Variants in CD276 observed in about 807,000 individuals in gnomAD.
The protein encoded by CD276 is CD276 antigen.
Under a neutral mutation model 50.0 loss-of-function variants are expected in CD276, and 34 were observed. The observed-to-expected ratio is 0.68, with a 90% CI of 0.52 to 0.91. The LOEUF (loss-of-function observed/expected upper bound fraction) is 0.91, where lower values mean the gene tolerates loss of function less well. Ranked by LOEUF, CD276 falls within the 40% of genes least tolerant of loss-of-function variation. The pLI, the probability that CD276 is intolerant of heterozygous loss-of-function variation, is 0.00. For missense variants in CD276, 634 were observed against 717.5 expected, an observed-to-expected ratio of 0.88 and a Z score of 1.33; for synonymous variants, 275 against 313.0, an observed-to-expected ratio of 0.88 and a Z score of 1.28.
chr15:73,706,915 C>A (rs1368852433), intron 6 of CD276, among the ~76,000 whole-genome samples: 1 of 152,152 alleles, frequency 6.6e-6, no homozygotes, highest in Non-Finnish European at 1.5e-5. Context: ...GGCTCTGCCC[C>A]CTCCTCTGCT....
At chr15:73,696,291 G>A (rs1002540822) in intron 1 of CD276, among the ~76,000 whole-genome samples, 2 of 152,046 alleles carry the variant, frequency 1.3e-5, no homozygotes, top group African/African-American at 2.4e-5. Context: ...GGGGTGGTAC[G>A]CAGGCAGCAT....
chr15:73,711,924 G>T (rs1321493200), intron 9 of CD276: 1 of 152,238 alleles, frequency 6.6e-6, no homozygotes, highest in Non-Finnish European at 1.5e-5. Context: ...GGAGGCCGAG[G>T]TGGGTGGATC....
At chr15:73,694,522 G>A (rs1359720938) in intron 1 of CD276, among the ~76,000 whole-genome samples, 1 of 152,206 alleles carries the variant, frequency 6.6e-6, no homozygotes, top group East Asian at 1.9e-4. Flanking sequence ...TGCTGGAAGA[G>A]ATGTTTATTT....
chr15:73,713,771 C>T lies in CD276; in HGVS notation c.*815C>T, dbSNP rs776311742. The T allele has an allele frequency of 6.9e-6, 3 of 432,110 alleles. No homozygotes were observed. The highest frequency in any genetic ancestry group is 1.7e-5 in the South Asian group (1 of 60,558). The allele number at this position is 432,110 out of a possible 1,614,324, so 26.8% of individuals were successfully genotyped here. On this transcript the variant is annotated 3_prime_UTR_variant, in exon 10 of 10. Coordinates refer to ENST00000318443, the MANE Select transcript of CD276 (RefSeq NM_001024736.2). ...GGTTCTCCAGGGGTCTGTGATGGGG[C>T]CCCTGGGGGTCAGCTTCTGTCCCTC...
In CD276 at chr15:73,702,811, A is replaced by G. The variant is rs758846310; in HGVS notation, c.458A>G (p.Lys153Arg). The change falls in exon 4 of 10, where the codon AAG becomes AGG. Residue 153 changes from lysine to arginine, a missense_variant. By Grantham distance (26) the Lys-to-Arg change is conservative. Transcript: ENST00000318443. ...CCCAGCATGACCCTGGAGCCCAACA[A>G]GGACCTGCGGCCAGGGGACACGGTG... ...SKPSMTLEPN[K>R]DLRPGDTVTI... is the part of the protein sequence containing the mutation. 27 of 1,613,814 alleles carry G rather than the reference A, an allele frequency of 1.7e-5. No individual in the cohort carries two copies. Among genetic ancestry groups the G allele is most frequent in the Non-Finnish European group, 2.2e-5 (26 of 1,179,980 alleles).
intron 4 of CD276, 36 bp downstream of exon 4, chr15:73,703,122 G>T (rs750387999): frequency 1.1e-4 from 162 of 1,536,412 alleles, no homozygotes; most frequent in Middle Eastern, 1.7e-4. Context: ...GGGGAGGGGG[G>T]TTCTGCTTCT....
rs58196751 is a variant in CD276 at position 73,689,188 on chromosome 15, C to CTGTGTGTGTGTGTGTGTG, written c.-55+4752_-55+4769dup. Among the ~76,000 whole-genome samples the CTGTGTGTGTGTGTGTGTG allele has an allele frequency of 4.0e-3, 565 of 142,700 alleles. 1 individual carries two copies. The highest frequency in any genetic ancestry group is 5.3e-3 in the East Asian group (25 of 4,724). 93.6% of individuals were successfully genotyped at this position (142,700 alleles called of 152,430 possible). On this transcript the variant is annotated intron_variant, in intron 1 of 9. Coordinates refer to ENST00000318443, the MANE Select transcript of CD276 (RefSeq NM_001024736.2). ...CACTTTTTTCAGGGCTCTGTGCCTC[C>CTGTGTGTGTGTGTGTGTG]TGTGTGTGTGTGTGTGTGTGTGTGT... is the stretch of plus-strand genomic sequence containing the variant.
chr15:73,685,840 G>A (rs1899739674), intron 1 of CD276, among the ~76,000 whole-genome samples: 1 of 152,138 alleles, frequency 6.6e-6, no homozygotes, highest in African/African-American at 2.4e-5. Flanking sequence ...AAACCTGTCC[G>A]ATGGGTTGAG....
intron 6 of CD276, 39 bp from the exon 7 acceptor site, chr15:73,708,300 C>T (rs1408124897): frequency 6.2e-7 from 1 of 1,606,872 alleles, no homozygotes; most frequent in Admixed American, 1.7e-5. Context: ...GACATGGGGC[C>T]AGGCATGACA....
chr15:73,701,531 A>G (rs188863973), intron 2 of CD276, among the ~76,000 whole-genome samples: 31 of 152,256 alleles, frequency 2.0e-4, no homozygotes, highest in African/African-American at 7.2e-4. Context: ...ACGCTCCCCG[A>G]TATTTTCACA....
At position 73,713,689 on chromosome 15, in the gene CD276, C is replaced by G. The variant is rs962700373; in HGVS notation, c.*733C>G. On this transcript the variant is annotated 3_prime_UTR_variant, in exon 10 of 10. Coordinates refer to ENST00000318443, the MANE Select transcript of CD276 (RefSeq NM_001024736.2). ...TGGTTCCCCCCTGGCCCAGCCTCCTCTGCAGTGCCCCTCTCCCCTGCCCAT... is the reference window on the plus strand; with the variant it reads ...TGGTTCCCCCCTGGCCCAGCCTCCTGTGCAGTGCCCCTCTCCCCTGCCCAT... 8 of 426,400 alleles carry G rather than the reference C, an allele frequency of 1.9e-5. No homozygotes were observed. In the Admixed American group the frequency reaches 2.2e-4, roughly 12 times the overall value. 26.4% of individuals were successfully genotyped at this position (426,400 alleles called of 1,614,324 possible).
Position 73,702,804 on chromosome 15 carries a change from C to G in CD276, c.451C>G (p.Pro151Ala), listed in dbSNP as rs1281551695. 1 of 1,613,800 alleles carries G rather than the reference C, an allele frequency of 6.2e-7. No homozygotes were observed. The highest frequency in any genetic ancestry group is 1.7e-5 in the Admixed American group (1 of 59,988). ...PYSKPSMTLE[P>A]NKDLRPGDTV... Reference sequence around the variant, plus strand: ...CTCGAAGCCCAGCATGACCCTGGAGCCCAACAAGGACCTGCGGCCAGGGGA... The same window carrying G: ...CTCGAAGCCCAGCATGACCCTGGAGGCCAACAAGGACCTGCGGCCAGGGGA... The change falls in exon 4 of 10, where the codon CCC (proline) becomes GCC (alanine). Residue 151 changes from proline (P) to alanine (A), a missense_variant. Transcript: ENST00000318443.
intron 1 of CD276, among the ~76,000 whole-genome samples, chr15:73,686,814 C>T (rs1372559830): frequency 6.6e-6 from 1 of 152,144 alleles, no homozygotes; most frequent in Non-Finnish European, 1.5e-5. Context: ...TGACCAAATC[C>T]AAGCAGCCTC....
chr15:73,711,216 T>G, intron 9 of CD276, 46 bp downstream of exon 9: 2 of 1,591,154 alleles, frequency 1.3e-6, no homozygotes, highest in Non-Finnish European at 1.7e-6. Flanking sequence ...TGCACACATC[T>G]GTGTGTGAGA....
chr15:73,703,141 G>A lies in CD276; in HGVS notation c.733+55G>A. ...AGGGGGGTTCTGCTTCTGTCGGCAG[G>A]GGTTGGGAGCTCCGAATCTGGCCCC... On this transcript the variant is annotated intron_variant, in intron 4 of 9. Transcript: ENST00000318443. 3.3e-6 allele frequency: 5 copies of A among 1,515,348 alleles called. No homozygotes were observed. The South Asian group carries it at 6.4e-5, about 19-fold the overall frequency. 93.9% of individuals were successfully genotyped at this position (1,515,348 alleles called of 1,614,324 possible). A position where few individuals can be genotyped will look rare whatever the true frequency, so the allele number is the denominator to read the frequency against.
At chr15:73,709,818 A>T in intron 8 of CD276, 129 bp downstream of exon 8, 2 of 834,678 alleles carry the variant, frequency 2.4e-6, no homozygotes, top group East Asian at 2.8e-5. Flanking sequence ...GTGGACTCAG[A>T]CCTCCCCACC....
intron 1 of CD276, among the ~76,000 whole-genome samples, chr15:73,688,748 C>T (rs540035620): frequency 6.6e-6 from 1 of 152,268 alleles, no homozygotes; most frequent in South Asian, 2.1e-4. Flanking sequence ...CCTTCTAGCT[C>T]TGAGGACTGG....
intron 2 of CD276, 34 bp from the exon 3 acceptor site, chr15:73,702,221 C>G (rs1281459880): frequency 4.6e-6 from 7 of 1,520,988 alleles, no homozygotes; most frequent in Non-Finnish European, 6.2e-6. Context: ...CTCCTCAGTC[C>G]CCCTTATATG....
rs1900570751 is a variant in CD276, at chr15:73,704,480, C to A, written c.1369+8C>A. 6.2e-7 allele frequency: 1 copy of A among 1,609,042 alleles called. No homozygotes were observed. The highest frequency in any genetic ancestry group is 1.7e-5 in the Admixed American group (1 of 59,602). ...GCTCTGTCACCATCACAGGTAAGGG[C>A]AGATGAACAGCTGGGGAAGGACGGA... On this transcript the variant is annotated splice_region_variant and intron_variant, in intron 6 of 9. Transcript: ENST00000318443. This position sits in a 1 kb window ranked among gnomAD's most constrained non-coding sequence, Gnocchi z 4.1.
Sources: gnomAD v4.1 joint callset for allele counts (sites outside exome capture counted in the v4.1 genomes callset) on GRCh38, gnomAD v4.1.1 for gene constraint, Gnocchi (gnomAD v3.1) non-coding constraint, MANE v1.5 for transcripts, NCBI Gene and HGNC (gene_info 2026-07-23, HGNC 2026-07-21) for gene names.